The following TSHZ3 variants were observed in gnomAD, a reference collection of about 807,000 sequenced individuals.
TSHZ3 encodes teashirt zinc finger homeobox 3.
A neutral mutation model predicts 64.5 loss-of-function variants in TSHZ3; 10 were observed. That is an observed-to-expected ratio of 0.16 (90% confidence interval 0.10 to 0.26). The LOEUF (loss-of-function observed/expected upper bound fraction) is 0.26. Among genes scored for constraint, TSHZ3 ranks in the 10% least tolerant of loss-of-function variants. The pLI is 1.00. For synonymous variants in TSHZ3, 608 were observed against 593.1 expected, an observed-to-expected ratio of 1.03 and a Z score of -0.36; for missense variants, 1,242 against 1,421.7, an observed-to-expected ratio of 0.87 and a Z score of 2.03.
At position 31,277,204 on chromosome 19, in the gene TSHZ3, G is replaced by A; in HGVS notation, c.2589C>T (p.Ser863=). ...NLTESHTSKS[S]TPSSISEKSD... ...ACTTCTCGGAGATGCTGGAAGGAGT[G>A]GAGGATTTTGACGTGTGGCTCTCTG... Residue 863 remains serine, a synonymous_variant, in exon 2 of 2, where the codon TCC becomes TCT. Transcript: ENST00000240587. The surrounding 1 kb of genome is among the most constrained non-coding windows in gnomAD (Gnocchi z 4.5). 6.2e-7 allele frequency: 1 copy of A among 1,614,208 alleles called. No homozygotes were observed. Among genetic ancestry groups the A allele is most frequent in the Non-Finnish European group, 8.5e-7 (1 of 1,180,034 alleles).
intron 1 of TSHZ3, among the ~76,000 whole-genome samples, chr19:31,291,959 G>A (rs1976574081): frequency 6.6e-6 from 1 of 152,198 alleles, no homozygotes; most frequent in African/African-American, 2.4e-5. Context: ...TCCGGAGCCA[G>A]GGTGCATTTT....
intron 1 of TSHZ3, among the ~76,000 whole-genome samples, chr19:31,345,293 GA>G (rs905363805): frequency 1.6e-4 from 25 of 152,268 alleles, no homozygotes; most frequent in Admixed American, 1.6e-3. Context: ...GGTATGAGAC[GA>G]AAAAAATTCC....
intron 3 of TSHZ3, among the ~76,000 whole-genome samples, chr19:31,241,551 C>A (rs1975689561): frequency 6.6e-6 from 1 of 152,228 alleles, no homozygotes; most frequent in Non-Finnish European, 1.5e-5. Context: ...AATCTCCATG[C>A]ACGTGCAGTC....
intron 1 of TSHZ3, among the ~76,000 whole-genome samples, chr19:31,311,402 T>C (rs577886585): frequency 3.3e-5 from 5 of 152,288 alleles, no homozygotes; most frequent in African/African-American, 1.2e-4. Context: ...TAGGTGCCAA[T>C]GTGCTGCTGA....
chr19:31,247,921 C>T (rs1975779699), intron 1 of TSHZ3, among the ~76,000 whole-genome samples: 1 of 152,104 alleles, frequency 6.6e-6, no homozygotes, highest in South Asian at 2.1e-4. Flanking sequence ...AAAGACACAT[C>T]TGAGATTGGG....
At chr19:31,149,981 TATA>T (rs1265067438) in exon 7 of TSHZ3, among the ~76,000 whole-genome samples, 1 of 152,214 alleles carries the variant, frequency 6.6e-6, no homozygotes, top group African/African-American at 2.4e-5. Context: ...TTACTGCAAT[TATA>T]ATATGTTAAT....
Position 31,241,346 on chromosome 19 carries a change from C to T in TSHZ3, n.550+923G>A, listed in dbSNP as rs137884863. Among the ~76,000 whole-genome samples the T allele has an allele frequency of 6.0e-3, 919 of 152,246 alleles. 12 individuals are homozygous for T. The highest frequency in any genetic ancestry group is 0.021 in the African/African-American group (877 of 41,544). The stretch of plus-strand genomic sequence containing the variant: ...GACAAATTAAGAATAGTTCTTATAC[C>T]TTAGACACAATTTTCTGTTGTCTTG... On this transcript the variant is annotated intron_variant and non_coding_transcript_variant, in intron 3 of 6. Transcript: ENST00000651361.
chr19:31,253,828 G>A (rs999314790), intron 1 of TSHZ3, among the ~76,000 whole-genome samples: 2 of 152,184 alleles, frequency 1.3e-5, no homozygotes, highest in South Asian at 4.1e-4. Flanking sequence ...CTTCAGCAAA[G>A]GGACAGGAAT....
chr19:31,266,198 T>A (rs970520372), intron 1 of TSHZ3, among the ~76,000 whole-genome samples: 2 of 152,136 alleles, frequency 1.3e-5, no homozygotes, highest in Admixed American at 1.3e-4. Flanking sequence ...ATCCACTTTC[T>A]CCTGAGGAGA....
chr19:31,319,935 C>T (rs543943910), intron 1 of TSHZ3, among the ~76,000 whole-genome samples: 3 of 151,894 alleles, frequency 2.0e-5, no homozygotes, highest in South Asian at 2.1e-4. Flanking sequence ...CCAACACACA[C>T]GCAGTTGATA....
rs532293321 is a variant in TSHZ3 at position 31,216,080 on chromosome 19, G to C, written n.687-11002C>G. Among the ~76,000 whole-genome samples the C allele has an allele frequency of 9.5e-4, 98 of 103,568 alleles. 1 individual carries two copies. The highest frequency in any genetic ancestry group is 3.0e-3 in the African/African-American group (94 of 31,466). The allele number at this position is 103,568 out of a possible 152,430, so 67.9% of individuals were successfully genotyped here. ...ATTACTTACAACTCACGTTCTTTAT[G>C]ATGGTGTATGTATATATGTATACAA... On this transcript the variant is annotated intron_variant and non_coding_transcript_variant, in intron 4 of 6. Coordinates refer to the TSHZ3 transcript ENST00000651361.
chr19:31,176,662 C>T (rs1386299621), intron 5 of TSHZ3, among the ~76,000 whole-genome samples: 1 of 152,158 alleles, frequency 6.6e-6, no homozygotes, highest in South Asian at 2.1e-4. Flanking sequence ...TGGTGACACA[C>T]ACCTATAGTC....
intron 6 of TSHZ3, among the ~76,000 whole-genome samples, chr19:31,152,268 A>T (rs1012903966): frequency 2.4e-5 from 3 of 126,814 alleles, no homozygotes; most frequent in Admixed American, 1.7e-4. Context: ...ATGCAATAAC[A>T]TGTGTATATG....
At chr19:31,163,108 C>T (rs1374461019) in intron 5 of TSHZ3, among the ~76,000 whole-genome samples, 3 of 152,064 alleles carry the variant, frequency 2.0e-5, no homozygotes, top group Non-Finnish European at 4.4e-5. Context: ...TTAAGGATGC[C>T]AAGAGGAGGT....
upstream of TSHZ3, chr19:31,349,524 C>T (rs1266080029): frequency 2.1e-5 from 7 of 338,968 alleles, no homozygotes; most frequent in Non-Finnish European, 3.2e-5. Flanking sequence ...AGGAGGAGGA[C>T]CGCGCTGCCG....
intron 3 of TSHZ3, among the ~76,000 whole-genome samples, chr19:31,236,300 G>T (rs1975613431): frequency 6.6e-6 from 1 of 152,052 alleles, no homozygotes; most frequent in Non-Finnish European, 1.5e-5. Flanking sequence ...ATCAACATTT[G>T]TCATCTTTTG....
In TSHZ3 at chr19:31,304,384, C is replaced by T. The variant is rs557464116; in HGVS notation, c.41-24632G>A. ...TGAGGCCTCACTGTATGCCTGTGGC[C>T]CCCACACCCATAACTCTTCCTCTCC... On this transcript the variant is annotated intron_variant, in intron 1 of 1. Transcript: ENST00000240587. Among the ~76,000 whole-genome samples, 21 of 152,190 alleles carry T rather than the reference C, an allele frequency of 1.4e-4. No homozygotes were observed. The South Asian group carries it at 3.9e-3, about 29-fold the overall frequency.
intron 1 of TSHZ3, among the ~76,000 whole-genome samples, chr19:31,315,717 G>T (rs1916580943): frequency 6.6e-6 from 1 of 152,200 alleles, no homozygotes; most frequent in South Asian, 2.1e-4. Context: ...GTGCTCCGAG[G>T]CAATTTAGAC....
chr19:31,258,899 T>C (rs1975949102), intron 1 of TSHZ3, among the ~76,000 whole-genome samples: 1 of 152,194 alleles, frequency 6.6e-6, no homozygotes, highest in Admixed American at 6.5e-5. Flanking sequence ...ATCACAGCCA[T>C]TTCCAGTACA....
Sources: gnomAD v4.1 joint callset for allele counts (sites outside exome capture counted in the v4.1 genomes callset) on GRCh38, gnomAD v4.1.1 for gene constraint, Gnocchi (gnomAD v3.1) non-coding constraint, MANE v1.5 for transcripts, NCBI Gene and HGNC (gene_info 2026-07-23, HGNC 2026-07-21) for gene names.